The following SPPL3 variants were observed in gnomAD, a reference collection of about 807,000 sequenced individuals.
SPPL3 encodes the protein signal peptide peptidase-like 3.
A neutral mutation model predicts 42.4 loss-of-function variants in SPPL3; 5 were observed. That is an observed-to-expected ratio of 0.12 (90% CI 0.06 to 0.25). The LOEUF is 0.25. Among genes scored for constraint, SPPL3 ranks in the 10% least tolerant of loss-of-function variants. SPPL3 has a pLI of 1.00. For missense variants in SPPL3, 235 were observed against 489.0 expected (o/e 0.48, Z 4.90); for synonymous variants, 195 against 181.8 (o/e 1.07, Z -0.58).
Position 120,845,454 on chromosome 12 carries a change from C to T in SPPL3, c.24-34568G>A, listed in dbSNP as rs1389748010. 12 of 413,844 alleles carry T rather than the reference C, an allele frequency of 2.9e-5. No homozygotes were observed. In the East Asian group the frequency reaches 6.1e-4, roughly 21 times the overall value. 25.6% of individuals were successfully genotyped at this position (413,844 alleles called of 1,614,324 possible). On this transcript the variant is annotated intron_variant, in intron 1 of 10. Coordinates refer to ENST00000353487, the MANE Select transcript of SPPL3 (RefSeq NM_139015.5). Reference sequence around the variant, plus strand: ...CCGGATCTTGTCCGAGCCGCCCACGCCCCACACAGTGAAGCTAATATTCTT... The same window carrying T: ...CCGGATCTTGTCCGAGCCGCCCACGTCCCACACAGTGAAGCTAATATTCTT...
intron 1 of SPPL3, among the ~76,000 whole-genome samples, chr12:120,876,024 C>CCG (rs372060791): frequency 6.8e-6 from 1 of 146,120 alleles, no homozygotes; most frequent in East Asian, 2.0e-4. Context: ...AGACCCCCCC[C>CCG]ACCCAAATCA....
chr12:120,895,451 C>A (rs1260337236), intron 1 of SPPL3, among the ~76,000 whole-genome samples: 1 of 151,554 alleles, frequency 6.6e-6, no homozygotes, highest in South Asian at 2.1e-4. Flanking sequence ...AGAAACATAG[C>A]TTTATTCATC....
intron 1 of SPPL3, among the ~76,000 whole-genome samples, chr12:120,824,106 G>A (rs1288861787): frequency 1.3e-5 from 2 of 152,126 alleles, no homozygotes; most frequent in Non-Finnish European, 1.5e-5. Flanking sequence ...TCCTGACCTT[G>A]TGATTTGCCC....
intron 1 of SPPL3, among the ~76,000 whole-genome samples, chr12:120,868,577 G>A (rs1415744853): frequency 6.6e-6 from 1 of 152,138 alleles, no homozygotes; most frequent in Non-Finnish European, 1.5e-5. Flanking sequence ...CACCTCCTGG[G>A]TTCAAGCGAT....
At position 120,764,821 on chromosome 12, in the gene SPPL3, CAG is replaced by C; in HGVS notation, c.*176_*177del. On this transcript the variant is annotated 3_prime_UTR_variant, in exon 11 of 11. Coordinates refer to ENST00000353487, the MANE Select transcript of SPPL3 (RefSeq NM_139015.5). ...ATCCGCAGGAAGAGAAGGAACCAAA[CAG>C]GGCTCCAGCACCTCTCTCCTGCAAA... The C allele has an allele frequency of 4.7e-6, 3 of 640,842 alleles. No homozygotes were observed. The highest frequency in any genetic ancestry group is 2.6e-5 in the South Asian group (1 of 38,422). 39.7% of individuals were successfully genotyped at this position (640,842 alleles called of 1,614,324 possible). A position where few individuals can be genotyped will look rare whatever the true frequency, so the allele number is the denominator to read the frequency against.
intron 1 of SPPL3, among the ~76,000 whole-genome samples, chr12:120,814,476 G>A (rs924460308): frequency 6.6e-6 from 1 of 152,196 alleles, no homozygotes; most frequent in Non-Finnish European, 1.5e-5. Context: ...CATGTATCAT[G>A]TATTAGGAAA....
At chr12:120,858,455 T>C (rs1277464930) in intron 1 of SPPL3, among the ~76,000 whole-genome samples, 2 of 114,102 alleles carry the variant, frequency 1.8e-5, no homozygotes, top group East Asian at 5.9e-4. Context: ...AGACTCCATC[T>C]CAAGAAAACA....
At chr12:120,902,558 T>C (rs1042618468) in intron 1 of SPPL3, among the ~76,000 whole-genome samples, 1 of 152,170 alleles carries the variant, frequency 6.6e-6, no homozygotes. Flanking sequence ...CCCTCTATTT[T>C]ATAGGTAAGG....
chr12:120,901,266 T>C (rs1293987077), intron 1 of SPPL3, among the ~76,000 whole-genome samples: 2 of 152,154 alleles, frequency 1.3e-5, no homozygotes, highest in African/African-American at 4.8e-5. Flanking sequence ...TTTTATTATA[T>C]TATTAGTCAG....
intron 6 of SPPL3, among the ~76,000 whole-genome samples, chr12:120,779,547 G>T (rs1490247530): frequency 6.6e-6 from 1 of 152,004 alleles, no homozygotes; most frequent in Admixed American, 6.6e-5. Flanking sequence ...CTTCTCTTTG[G>T]AACCACCAAA....
chr12:120,788,846 C>G (rs1252708632), intron 3 of SPPL3, among the ~76,000 whole-genome samples: 1 of 152,134 alleles, frequency 6.6e-6, no homozygotes, highest in Non-Finnish European at 1.5e-5. Flanking sequence ...TGTTAATCAT[C>G]CAGGACTTCC....
At chr12:120,777,771 T>C (rs950224687) in intron 6 of SPPL3, among the ~76,000 whole-genome samples, 16 of 152,202 alleles carry the variant, frequency 1.1e-4, no homozygotes, top group African/African-American at 3.4e-4. Flanking sequence ...CTTATATGCA[T>C]AGTGGGTTCT....
intron 1 of SPPL3, among the ~76,000 whole-genome samples, chr12:120,853,977 C>G (rs1872352158): frequency 2.2e-5 from 2 of 90,976 alleles, no homozygotes; most frequent in Admixed American, 2.6e-4. Flanking sequence ...CACACACACG[C>G]ACACATACAC....
At chr12:120,765,558 G>T (rs1222110601) in intron 10 of SPPL3, among the ~76,000 whole-genome samples, 1 of 152,160 alleles carries the variant, frequency 6.6e-6, no homozygotes, top group Admixed American at 6.5e-5. Context: ...GGTTACAGGC[G>T]TGAGCCACCA....
At chr12:120,838,138 A>C (rs1871682638) in intron 1 of SPPL3, among the ~76,000 whole-genome samples, 1 of 152,266 alleles carries the variant, frequency 6.6e-6, no homozygotes, top group African/African-American at 2.4e-5. Flanking sequence ...TGCTTTACCA[A>C]AACAAGGAAG....
intron 1 of SPPL3, among the ~76,000 whole-genome samples, chr12:120,825,208 A>G (rs141964822): frequency 6.6e-6 from 1 of 152,330 alleles, no homozygotes; most frequent in East Asian, 1.9e-4. Flanking sequence ...TTAAATCCAA[A>G]ATAATAAAGT....
At chr12:120,888,572 T>A (rs979556585) in intron 1 of SPPL3, among the ~76,000 whole-genome samples, 1 of 152,182 alleles carries the variant, frequency 6.6e-6, no homozygotes, top group Non-Finnish European at 1.5e-5. Context: ...ACAAAAGCTA[T>A]GTATCATTCG....
At chr12:120,866,697 A>G (rs1408184021) in intron 1 of SPPL3, among the ~76,000 whole-genome samples, 1 of 152,254 alleles carries the variant, frequency 6.6e-6, no homozygotes, top group African/African-American at 2.4e-5. Flanking sequence ...TCAGAATCTG[A>G]TAAAAGTTTG....
chr12:120,839,635 AT>A (rs564165577), intron 1 of SPPL3, among the ~76,000 whole-genome samples: 49 of 152,252 alleles, frequency 3.2e-4, no homozygotes, highest in African/African-American at 1.0e-3. Context: ...CAGCTAAATG[AT>A]TTTTTCAGTA....
Sources: allele counts gnomAD v4.1 joint callset (sites outside exome capture counted in the v4.1 genomes callset), GRCh38; gene constraint gnomAD v4.1.1; transcripts MANE v1.5; gene names NCBI Gene and HGNC (gene_info 2026-07-23, HGNC 2026-07-21).